The following PAX7 variants were observed in gnomAD, a reference collection of about 807,000 sequenced individuals.
The protein encoded by PAX7 is paired box 7, also known as paired box protein Pax-7.
In PAX7, 18 loss-of-function variants were observed where a neutral mutation model predicts 50.7. The ratio of observed to expected loss-of-function variants is 0.36; its 90% CI spans 0.25 to 0.53. PAX7 has a LOEUF of 0.53. Ranked by LOEUF, PAX7 falls within the 20% of genes least tolerant of loss-of-function variation. The pLI is 0.93. For synonymous variants in PAX7, 310 were observed against 290.4 expected, an observed-to-expected ratio of 1.07 and a Z score of -0.69; for missense variants, 644 against 702.9, an observed-to-expected ratio of 0.92 and a Z score of 0.95.
Position 18,691,852 on chromosome 1 carries a change from C to T in PAX7, c.685C>T (p.Leu229=), listed in dbSNP as rs2089075572. Residue 229 remains leucine, a synonymous_variant, in exon 5 of 9, where the codon CTG becomes TTG. Transcript: ENST00000420770. The part of the protein sequence containing the change: ...RSRTTFTAEQ[L]EELEKAFERT... ...TCGGACCACATTCACGGCCGAGCAGCTGGAGGAGCTGGAGAAGGCCTTTGA... is the reference window on the plus strand; with the variant it reads ...TCGGACCACATTCACGGCCGAGCAGTTGGAGGAGCTGGAGAAGGCCTTTGA... 2 of 1,613,726 alleles carry T rather than the reference C, an allele frequency of 1.2e-6. No homozygotes were observed. Among genetic ancestry groups the T allele is most frequent in the Non-Finnish European group, 1.7e-6 (2 of 1,179,968 alleles).
chr1:18,747,092 C>G lies in PAX7; in HGVS notation c.*2163C>G, dbSNP rs1570256166. On this transcript the variant is annotated 3_prime_UTR_variant, in exon 9 of 9. Transcript: ENST00000420770. ...GCAGAAAGCAACTCTTCCTGAAGAC[C>G]AAACACTCGTCATCCACATTCCTTG... 2 of 229,510 alleles carry G rather than the reference C, an allele frequency of 8.7e-6. No individual in the cohort carries two copies. The highest frequency in any genetic ancestry group is 4.4e-5 in the African/African-American group (2 of 45,220). The allele number at this position is 229,510 out of a possible 1,614,324, so 14.2% of individuals were successfully genotyped here.
At chr1:18,744,447 GA>G (rs1931312692) in intron 8 of PAX7, among the ~76,000 whole-genome samples, 1 of 149,846 alleles carries the variant, frequency 6.7e-6, no homozygotes, top group Non-Finnish European at 1.5e-5. Context: ...TGGATGGATG[GA>G]TGGATGGATG....
chr1:18,681,325 C>A (rs1399825693), intron 4 of PAX7, among the ~76,000 whole-genome samples: 1 of 152,136 alleles, frequency 6.6e-6, no homozygotes, highest in Non-Finnish European at 1.5e-5. Flanking sequence ...CTGCACAGGA[C>A]ACCAGCATGT....
At chr1:18,659,953 G>C (rs1398454564) in intron 4 of PAX7, among the ~76,000 whole-genome samples, 47 of 152,230 alleles carry the variant, frequency 3.1e-4, no homozygotes, top group Admixed American at 3.1e-3. Context: ...GAAAAGCCCA[G>C]CGGGCCATGT....
At chr1:18,710,521 G>T (rs2089337372) in intron 7 of PAX7, among the ~76,000 whole-genome samples, 1 of 152,162 alleles carries the variant, frequency 6.6e-6, no homozygotes, top group South Asian at 2.1e-4. Flanking sequence ...TGGGGAGGGG[G>T]ATTGTGGGGT....
At position 18,735,883 on chromosome 1, in the gene PAX7, G is replaced by C; in HGVS notation, c.1402+5G>C. On this transcript the variant is annotated splice_donor_5th_base_variant and intron_variant, in intron 8 of 8. Coordinates refer to ENST00000420770, the MANE Select transcript of PAX7 (RefSeq NM_001135254.2). The surrounding 1 kb of genome is among the most constrained non-coding windows in gnomAD (Gnocchi z 4.0). ...AGTACGGCCAGTACGGCCAGAGTGA[G>C]TGCCTGGTGCCCTGGGCGTCCCCCG... 1 of 1,614,118 alleles carries C rather than the reference G, an allele frequency of 6.2e-7. No individual in the cohort carries two copies.
chr1:18,655,190 T>C (rs1012528097), intron 4 of PAX7, among the ~76,000 whole-genome samples: 3 of 152,214 alleles, frequency 2.0e-5, no homozygotes, highest in Non-Finnish European at 2.9e-5. Flanking sequence ...TGTGACTCCT[T>C]TCCAGGGGCC....
At chr1:18,725,791 C>T (rs1223051480) in intron 7 of PAX7, among the ~76,000 whole-genome samples, 3 of 152,158 alleles carry the variant, frequency 2.0e-5, no homozygotes, top group Non-Finnish European at 4.4e-5. Flanking sequence ...CTCACTACAC[C>T]GTTAGCACCA....
In PAX7 at chr1:18,674,669, C is replaced by T. The variant is rs564966625; in HGVS notation, c.587-17085C>T. 8.3e-4 allele frequency among the ~76,000 whole-genome samples: 126 copies of T among 152,224 alleles called. 1 individual carries two copies. Among genetic ancestry groups the T allele is most frequent in the Non-Finnish European group, 2.6e-4 (18 of 68,032 alleles). ...TCCAGGGCTTTGGAGCCACGAGGGG[C>T]TAGGGCATGGCACCGCTGTCTGTCC... On this transcript the variant is annotated intron_variant, in intron 4 of 8. Coordinates refer to ENST00000420770, the MANE Select transcript of PAX7 (RefSeq NM_001135254.2).
chr1:18,646,603 G>C (rs754778747), intron 4 of PAX7, among the ~76,000 whole-genome samples: 3 of 152,130 alleles, frequency 2.0e-5, no homozygotes, highest in African/African-American at 7.2e-5. Flanking sequence ...CCCCCTCCCC[G>C]CCGCCCTCTC....
Position 18,646,173 on chromosome 1 carries a change from C to A in PAX7, c.586+9802C>A, listed in dbSNP as rs375106459. On this transcript the variant is annotated intron_variant, in intron 4 of 8. Transcript: ENST00000420770. ...AATGATTGCAGAATCCCAGCATGTCCGGGATTTGTCGGAGGTCCTCGGAGT... is the reference window on the plus strand; with the variant it reads ...AATGATTGCAGAATCCCAGCATGTCAGGGATTTGTCGGAGGTCCTCGGAGT... Among the ~76,000 whole-genome samples the A allele has an allele frequency of 3.3e-5, 5 of 152,330 alleles. No individual in the cohort carries two copies. In the East Asian group the frequency reaches 5.8e-4, roughly 18 times the overall value.
chr1:18,676,955 G>T (rs1156304545), intron 4 of PAX7, among the ~76,000 whole-genome samples: 1 of 152,170 alleles, frequency 6.6e-6, no homozygotes, highest in African/African-American at 2.4e-5. Flanking sequence ...GGGTTTAGAG[G>T]TGAAGTCAGG....
intron 6 of PAX7, among the ~76,000 whole-genome samples, chr1:18,702,023 A>G (rs2089228650): frequency 6.6e-6 from 1 of 152,048 alleles, no homozygotes; most frequent in Admixed American, 6.6e-5. Context: ...ACACACCAGG[A>G]ATACCACTAC....
intron 4 of PAX7, among the ~76,000 whole-genome samples, chr1:18,661,993 G>A (rs184713663): frequency 1.9e-4 from 29 of 152,274 alleles, no homozygotes; most frequent in Admixed American, 1.2e-3. Context: ...GCCACTTGGA[G>A]CTCAGAGAGT....
At chr1:18,689,167 C>G (rs543631067) in intron 4 of PAX7, among the ~76,000 whole-genome samples, 2 of 152,108 alleles carry the variant, frequency 1.3e-5, no homozygotes, top group Non-Finnish European at 2.9e-5. Flanking sequence ...TCCCCATCCA[C>G]GGGCTGGCCT....
chr1:18,637,907 G>A (rs548434314), intron 4 of PAX7, among the ~76,000 whole-genome samples: 1 of 152,370 alleles, frequency 6.6e-6, no homozygotes, highest in African/African-American at 2.4e-5. Context: ...GGTCTGCGGC[G>A]GGAGGCAGCC....
rs1421493879 is a variant in PAX7, at chr1:18,736,995, T to G, written c.1402+1117T>G. 2.6e-5 allele frequency among the ~76,000 whole-genome samples: 4 copies of G among 152,326 alleles called. No homozygotes were observed. The East Asian group carries it at 7.7e-4, about 29-fold the overall frequency. On this transcript the variant is annotated intron_variant, in intron 8 of 8. Transcript: ENST00000420770. ...TCCAACTCTCTCCTCCACTCCAAACTCTGCAATGGTCTCATGCACCCATCC... is the reference window on the plus strand; with the variant it reads ...TCCAACTCTCTCCTCCACTCCAAACGCTGCAATGGTCTCATGCACCCATCC...
Position 18,744,974 on chromosome 1 carries a change from T to A in PAX7, c.*45T>A. 1 of 1,161,834 alleles carries A rather than the reference T, an allele frequency of 8.6e-7. No individual in the cohort carries two copies. The highest frequency in any genetic ancestry group is 1.3e-6 in the Non-Finnish European group (1 of 794,902). 72.0% of individuals were successfully genotyped at this position (1,161,834 alleles called of 1,614,324 possible). On this transcript the variant is annotated 3_prime_UTR_variant, in exon 9 of 9. Transcript: ENST00000420770. ...CCCAGCCCAATTCCCAGCCCAACCC[T>A]AACTGACCCCTGAGCTTCCCAGCCT...
intron 4 of PAX7, among the ~76,000 whole-genome samples, chr1:18,670,789 A>G (rs1429447032): frequency 6.6e-6 from 1 of 152,172 alleles, no homozygotes; most frequent in East Asian, 1.9e-4. Context: ...TCCTTGTCCC[A>G]TCAGGCACCA....
Sources: gnomAD v4.1 joint callset for allele counts (sites outside exome capture counted in the v4.1 genomes callset) on GRCh38, gnomAD v4.1.1 for gene constraint, Gnocchi (gnomAD v3.1) non-coding constraint, MANE v1.5 for transcripts, NCBI Gene and HGNC (gene_info 2026-07-23, HGNC 2026-07-21) for gene names.